Variants in EXTL3 observed in about 807,000 individuals in gnomAD.
EXTL3 encodes exostosin-like 3.
Under a neutral mutation model 69.3 loss-of-function variants are expected in EXTL3, and 27 were observed. That is an observed-to-expected ratio of 0.39 (90% CI 0.29 to 0.54). The LOEUF is 0.54. EXTL3 is among the 20% of genes least tolerant of loss of function. EXTL3 has a pLI of 0.69. For missense variants in EXTL3, 1,003 were observed against 1,231.8 expected (o/e 0.81, Z 2.78); for synonymous variants, 511 against 499.4 (o/e 1.02, Z -0.31).
chr8:28,703,447 ATT>A (rs759981270), intron 1 of EXTL3, among the ~76,000 whole-genome samples: 45 of 152,282 alleles, frequency 3.0e-4, no homozygotes, highest in Middle Eastern at 3.4e-3. Context: ...TGGGAAATGT[ATT>A]TCTAGGAGAG....
chr8:28,644,795 C>T (rs1366778772), intron 1 of EXTL3, among the ~76,000 whole-genome samples: 3 of 152,160 alleles, frequency 2.0e-5, no homozygotes, highest in Non-Finnish European at 4.4e-5. Flanking sequence ...TGTACGTGGG[C>T]TTGTTGTATG....
At chr8:28,651,703 TATAAC>T (rs1276987173) in intron 1 of EXTL3, among the ~76,000 whole-genome samples, 9 of 152,208 alleles carry the variant, frequency 5.9e-5, no homozygotes, top group African/African-American at 1.4e-4. Context: ...TTGAAATACA[TATAAC>T]ATAAAATTTC....
chr8:28,630,286 C>T (rs372523100), intron 1 of EXTL3, among the ~76,000 whole-genome samples: 6 of 152,160 alleles, frequency 3.9e-5, no homozygotes, highest in African/African-American at 1.2e-4. Flanking sequence ...GCCTTTGCTC[C>T]TCTGCCTTCT....
At chr8:28,683,471 T>C (rs1009993383) in intron 1 of EXTL3, among the ~76,000 whole-genome samples, 3 of 152,238 alleles carry the variant, frequency 2.0e-5, no homozygotes, top group African/African-American at 7.2e-5. Flanking sequence ...ATCCTTTATG[T>C]TTCAAACAAT....
intron 3 of EXTL3, among the ~76,000 whole-genome samples, chr8:28,728,054 T>C (rs1294218280): frequency 6.6e-6 from 1 of 152,212 alleles, no homozygotes; most frequent in Non-Finnish European, 1.5e-5. Flanking sequence ...TTTGGCTGAA[T>C]TGGCAGAATC....
chr8:28,617,326 T>G (rs1368876639), intron 2 of EXTL3, among the ~76,000 whole-genome samples: 1 of 152,166 alleles, frequency 6.6e-6, no homozygotes, highest in East Asian at 1.9e-4. Context: ...GGAGAAAACA[T>G]ATGTGAAGTG....
At chr8:28,724,112 A>G (rs1163763867) in intron 3 of EXTL3, among the ~76,000 whole-genome samples, 2 of 152,196 alleles carry the variant, frequency 1.3e-5, no homozygotes, top group African/African-American at 4.8e-5. Flanking sequence ...TGTAAAATGT[A>G]TGAAAATTAA....
rs951578170 is a variant in EXTL3, at chr8:28,717,027, T to C, written c.968T>C (p.Met323Thr). 1.1e-5 allele frequency: 18 copies of C among 1,614,098 alleles called. No individual in the cohort carries two copies. Among genetic ancestry groups the C allele is most frequent in the Admixed American group, 1.7e-5 (1 of 60,012 alleles). Residue 323 changes from methionine (M) to threonine (T), a missense_variant, in exon 3 of 7, where the codon ATG (methionine) becomes ACG (threonine). By Grantham distance (81) the Met-to-Thr change is moderately conservative. Transcript: ENST00000220562. The surrounding 1 kb of genome is among the most constrained non-coding windows in gnomAD (Gnocchi z 8.3). ...GTCGTATCACCGCTGGTCCATGCCA[T>C]GTCTGAGCCCAACTTCATGGAAATC... ...DLVVSPLVHA[M>T]SEPNFMEIPP...
chr8:28,689,760 A>G lies in EXTL3; in HGVS notation c.-52-23697A>G, dbSNP rs116428335. ...TTAGGGATTCTGTCAATAGACATTT[A>G]CCAGTTTTCTAAAATTTCATAAAAT... On this transcript the variant is annotated intron_variant, in intron 1 of 6. Transcript: ENST00000523149. Among the ~76,000 whole-genome samples, 1,239 of 152,344 alleles carry G rather than the reference A, an allele frequency of 8.1e-3. 7 individuals are homozygous for G. Among genetic ancestry groups the G allele is most frequent in the Middle Eastern group, 0.02 (6 of 294 alleles).
intron 1 of EXTL3, among the ~76,000 whole-genome samples, chr8:28,691,728 T>C (rs535368336): frequency 1.4e-4 from 21 of 151,932 alleles, no homozygotes; most frequent in African/African-American, 5.1e-4. Flanking sequence ...AGAAGCCCCA[T>C]CTCTACTAAA....
chr8:28,716,385 A>G lies in EXTL3; in HGVS notation c.326A>G (p.Lys109Arg), dbSNP rs1801147505. The change falls in exon 3 of 7, where the codon AAG becomes AGG. Residue 109 changes from lysine to arginine, a missense_variant. By Grantham distance (26) the Lys-to-Arg change is conservative. Around this residue, in one of 2 missense-constraint regions of EXTL3, gnomAD observed 742 missense variants for 815.4 expected, o/e 0.91. Coordinates refer to ENST00000220562, the MANE Select transcript of EXTL3 (RefSeq NM_001440.4). The surrounding 1 kb of genome is among the most constrained non-coding windows in gnomAD (Gnocchi z 7.1). The part of the protein sequence containing the change: ...KRQELNSEIA[K>R]LNLKIEACKK... ...CAAGAGCTGAACAGCGAGATCGCCA[A>G]GCTGAATCTGAAGATCGAAGCCTGT... is the stretch of plus-strand genomic sequence containing the variant. The G allele has an allele frequency of 1.2e-6, 2 of 1,613,970 alleles. No homozygotes were observed. Among genetic ancestry groups the G allele is most frequent in the African/African-American group, 1.3e-5 (1 of 75,050 alleles).
intron 1 of EXTL3, among the ~76,000 whole-genome samples, chr8:28,661,373 A>C (rs574670874): frequency 7.2e-5 from 11 of 152,216 alleles, no homozygotes; most frequent in African/African-American, 2.6e-4. Flanking sequence ...ACACATATAC[A>C]CACAATATAT....
At chr8:28,755,650 G>T (rs1258685149), downstream of EXTL3, 1 of 152,238 alleles carries the variant, frequency 6.6e-6, no homozygotes, top group Admixed American at 6.5e-5. Context: ...TCAGGAGGCT[G>T]AGGCAGGAGA....
In EXTL3 at chr8:28,750,122, TA is replaced by T. The variant is rs1413098616; in HGVS notation, c.2551-534del. ...GAAGCTGTCCCTCTTCATACTTTTT[TA>T]GTTAGACATTTTCTAATTAATAATA... On this transcript the variant is annotated intron_variant, in intron 6 of 6. Transcript: ENST00000220562. This position sits in a 1 kb window ranked among gnomAD's most constrained non-coding sequence, Gnocchi z 5.2. Among the ~76,000 whole-genome samples, 6 of 152,258 alleles carry T rather than the reference TA, an allele frequency of 3.9e-5. No homozygotes were observed. The highest frequency in any genetic ancestry group is 9.6e-5 in the African/African-American group (4 of 41,472).
chr8:28,741,870 T>G (rs1226107283), intron 5 of EXTL3: 1 of 152,208 alleles, frequency 6.6e-6, no homozygotes, highest in Non-Finnish European at 1.5e-5. Context: ...ACAAAAAAAT[T>G]TTATCATTAT....
At chr8:28,728,777 AC>A (rs1801468201) in intron 3 of EXTL3, among the ~76,000 whole-genome samples, 1 of 152,040 alleles carries the variant, frequency 6.6e-6, no homozygotes, top group African/African-American at 2.4e-5. Context: ...GGTCCCAGCT[AC>A]TTGGGGAGCT....
intron 3 of EXTL3, among the ~76,000 whole-genome samples, chr8:28,724,714 C>A (rs1483196063): frequency 6.6e-6 from 1 of 152,084 alleles, no homozygotes; most frequent in Non-Finnish European, 1.5e-5. Context: ...GCAGGAGAAT[C>A]GTTTGAACCC....
intron 2 of EXTL3, among the ~76,000 whole-genome samples, chr8:28,615,761 A>T (rs1356618976): frequency 1.3e-5 from 2 of 151,250 alleles, no homozygotes; most frequent in African/African-American, 4.9e-5. Context: ...TTTAATAGAG[A>T]CGAGGTTTTA....
At chr8:28,737,476 G>C in intron 4 of EXTL3, 43 bp from the exon 5 acceptor site, 1 of 1,612,502 alleles carries the variant, frequency 6.2e-7, no homozygotes, top group Non-Finnish European at 8.5e-7. Context: ...GATGACCCTA[G>C]AGCTCTGTAT....
Sources: gnomAD v4.1 joint callset for allele counts (sites outside exome capture counted in the v4.1 genomes callset) on GRCh38, gnomAD v4.1.1 for gene constraint, gnomAD v4.1.1 regional missense constraint, Gnocchi (gnomAD v3.1) non-coding constraint, MANE v1.5 for transcripts, NCBI Gene and HGNC (gene_info 2026-07-23, HGNC 2026-07-21) for gene names.